Variants in ZFYVE19 observed in about 807,000 individuals in gnomAD.
ZFYVE19 encodes the protein abscission/NoCut checkpoint regulator.
ZFYVE19 carries 49 observed loss-of-function variants against 62.8 expected under a neutral mutation model. The ratio of observed to expected loss-of-function variants is 0.78; its 90% CI spans 0.62 to 0.99. The LOEUF (loss-of-function observed/expected upper bound fraction) is 0.99. Ranked by LOEUF, ZFYVE19 falls within the 50% of genes least tolerant of loss-of-function variation. The pLI, the probability that ZFYVE19 is intolerant of heterozygous loss-of-function variation, is 0.00. For missense variants in ZFYVE19, 630 were observed against 601.9 expected (o/e 1.05, Z -0.49); for synonymous variants, 242 against 234.3 (o/e 1.03, Z -0.30).
chr15:40,809,057 T>C, intron 1 of ZFYVE19, 62 bp from the exon 2 acceptor site: 2 of 1,598,924 alleles, frequency 1.3e-6, no homozygotes, highest in Non-Finnish European at 1.7e-6. Flanking sequence ...GCTTGGAGAG[T>C]CCCTGGGAGC....
Position 40,807,159 on chromosome 15 carries a change from A to G in ZFYVE19, c.-431A>G, listed in dbSNP as rs903041517. 5.5e-6 allele frequency: 7 copies of G among 1,266,188 alleles called. No homozygotes were observed. The highest frequency in any genetic ancestry group is 7.4e-6 in the Non-Finnish European group (7 of 941,164). The allele number at this position is 1,266,188 out of a possible 1,614,324, so 78.4% of individuals were successfully genotyped here. A position where few individuals can be genotyped will look rare whatever the true frequency, so the allele number is the denominator to read the frequency against. On this transcript the variant is annotated 5_prime_UTR_variant, in exon 1 of 11. Transcript: ENST00000355341. ...GGGGAGAGCACAGCCACCCGGCGCG[A>G]AGAGCCCTCTGTACCCCGCTTCCTC... is the stretch of plus-strand genomic sequence containing the variant.
chr15:40,808,370 A>C, intron 1 of ZFYVE19: 1 of 1,596,964 alleles, frequency 6.3e-7, no homozygotes, highest in Non-Finnish European at 8.5e-7. Context: ...TTCCTCTGGT[A>C]AACTGCAGGT....
At position 40,807,326 on chromosome 15, in the gene ZFYVE19, C is replaced by T; in HGVS notation, c.-264C>T. On this transcript the variant is annotated 5_prime_UTR_variant, in exon 1 of 11. Transcript: ENST00000355341. ...GCCGAGGCGCTAGGACAGGAAGGACCGCCAGACCTCTCAAGATCAGCCTTC... is the reference window on the plus strand; with the variant it reads ...GCCGAGGCGCTAGGACAGGAAGGACTGCCAGACCTCTCAAGATCAGCCTTC... The T allele has an allele frequency of 1.2e-6, 2 of 1,614,210 alleles. No homozygotes were observed. Among genetic ancestry groups the T allele is most frequent in the Non-Finnish European group, 1.7e-6 (2 of 1,180,020 alleles).
At chr15:40,808,982 G>A (rs1174177109) in intron 1 of ZFYVE19, 137 bp from the exon 2 acceptor site, 7 of 1,316,056 alleles carry the variant, frequency 5.3e-6, no homozygotes, top group Non-Finnish European at 7.4e-6. Flanking sequence ...CTAGGCCTTA[G>A]GGGCCCCACT....
At chr15:40,813,252 G>GAAC in intron 7 of ZFYVE19, 86 bp from the exon 8 acceptor site, 1 of 1,368,770 alleles carries the variant, frequency 7.3e-7, no homozygotes, top group Non-Finnish European at 1.0e-6. Context: ...AACCGAACCA[G>GAAC]TTCTGGGAGG....
chr15:40,808,915 CCTT>C (rs1285346057), intron 1 of ZFYVE19: 3 of 592,828 alleles, frequency 5.1e-6, no homozygotes, highest in Non-Finnish European at 5.9e-6. Flanking sequence ...TTTGTATAAA[CCTT>C]CATTTGGCTT....
Position 40,812,553 on chromosome 15 carries a change from AAAAAAAAG to A in ZFYVE19, c.827-142_827-135del, listed in dbSNP as rs1359959466. The A allele has an allele frequency of 2.1e-4, 140 of 670,586 alleles. 1 individual carries two copies. In the African/African-American group the frequency reaches 3.0e-3, roughly 14 times the overall value. The allele number at this position is 670,586 out of a possible 1,614,324, so 41.5% of individuals were successfully genotyped here. A position where few individuals can be genotyped will look rare whatever the true frequency, so the allele number is the denominator to read the frequency against. ...AGAGCGAGACTCCATCTCAAAAAAA[AAAAAAAAG>A]AAAGAAAGAAAGAAAGAAAGAAAGA... On this transcript the variant is annotated intron_variant, in intron 6 of 10. Transcript: ENST00000355341.
In ZFYVE19 at chr15:40,807,742, T is replaced by TGA; in HGVS notation, c.155_156dup (p.Gly53ArgfsTer57). 3 of 1,590,326 alleles carry TGA rather than the reference T, an allele frequency of 1.9e-6. No homozygotes were observed. Among genetic ancestry groups the TGA allele is most frequent in the Non-Finnish European group, 2.6e-6 (3 of 1,171,388 alleles). ...AGGGAAGGGAAGGGCGGAGCTGGGG[T>TGA]GAGGGTCCAAGGGGCCCAGGACTTG... On this transcript the variant is annotated frameshift_variant, in exon 1 of 11. Coordinates refer to ENST00000355341, the MANE Select transcript of ZFYVE19 (RefSeq NM_001077268.2). LOFTEE classifies it high-confidence loss of function.
intron 1 of ZFYVE19, chr15:40,808,713 G>T: frequency 3.3e-6 from 1 of 304,634 alleles, no homozygotes. Context: ...CTTAATAAAT[G>T]GAGGCTATTG....
At chr15:40,812,410 G>C (rs928163133) in intron 6 of ZFYVE19, among the ~76,000 whole-genome samples, 1 of 151,968 alleles carries the variant, frequency 6.6e-6, no homozygotes. Flanking sequence ...GCCGGGCATG[G>C]TGTCACGTGC....
At chr15:40,810,526 G>A in intron 5 of ZFYVE19, 123 bp from the exon 6 acceptor site, 1 of 1,473,382 alleles carries the variant, frequency 6.8e-7, no homozygotes, top group East Asian at 2.5e-5. Flanking sequence ...AGACCTACTT[G>A]ATTATGTGGG....
chr15:40,807,834 G>T lies in ZFYVE19; in HGVS notation c.245G>T (p.Gly82Val). The stretch of plus-strand genomic sequence containing the variant: ...GCCACCATGGAGAGTAGGTGCTACG[G>T]CTGCGCTGTCAAGTTCACCCTCTTC... ...LGATMESRCYGCAVKFTLFKK... is the reference protein window; with the variant it reads ...LGATMESRCYVCAVKFTLFKK... The change falls in exon 1 of 11, where the codon GGC becomes GTC. Residue 82 changes from glycine to valine, a missense_variant. Gly to Val is a moderately radical substitution (Grantham distance 109). Coordinates refer to ENST00000355341, the MANE Select transcript of ZFYVE19 (RefSeq NM_001077268.2). The T allele has an allele frequency of 6.5e-7, 1 of 1,537,162 alleles. No individual in the cohort carries two copies. Among genetic ancestry groups the T allele is most frequent in the South Asian group, 1.2e-5 (1 of 81,296 alleles).
At chr15:40,810,845 A>C in intron 6 of ZFYVE19, 88 bp downstream of exon 6, 1 of 1,487,624 alleles carries the variant, frequency 6.7e-7, no homozygotes. Context: ...TGGGAGATGA[A>C]TATAAATCGG....
intron 6 of ZFYVE19, among the ~76,000 whole-genome samples, chr15:40,811,691 C>T (rs1388317170): frequency 6.6e-6 from 1 of 152,076 alleles, no homozygotes; most frequent in Non-Finnish European, 1.5e-5. Context: ...GCCTGGGCAA[C>T]ATAGCAAGAC....
chr15:40,807,665 G>A lies in ZFYVE19; in HGVS notation c.76G>A (p.Ala26Thr), dbSNP rs1179007339. ...CTGCAGGAGAGCGTCCGGATTCCCT[G>A]CTCTAGGTCGCGGCGGGACAGTGCC... ...AGCRRASGFPALGRGGTVPVG... is the reference protein window; with the variant it reads ...AGCRRASGFPTLGRGGTVPVG... Residue 26 changes from alanine to threonine, a missense_variant, in exon 1 of 11, where the codon GCT becomes ACT. Transcript: ENST00000355341. 3 of 1,612,070 alleles carry A rather than the reference G, an allele frequency of 1.9e-6. No homozygotes were observed. The highest frequency in any genetic ancestry group is 1.7e-4 in the Middle Eastern group (1 of 5,854).
intron 6 of ZFYVE19, 100 bp downstream of exon 6, chr15:40,810,857 G>C (rs958043178): frequency 2.1e-6 from 3 of 1,442,148 alleles, no homozygotes; most frequent in Non-Finnish European, 2.8e-6. Context: ...ATAAATCGGA[G>C]AGTGATCAAC....
rs756491362 is a variant in ZFYVE19 at position 40,810,669 on chromosome 15, C to G, written c.738C>G (p.Thr246=). 9.5e-6 allele frequency: 15 copies of G among 1,573,054 alleles called. No homozygotes were observed. The highest frequency in any genetic ancestry group is 1.3e-5 in the African/African-American group (1 of 74,278). Residue 246 remains threonine, a synonymous_variant, in exon 6 of 11, where the codon ACC becomes ACG. Transcript: ENST00000355341. ...TGCAGGCACATCACACACCGGACACCAGGACCCAAGCCCAGCAGACACAGG... is the reference window on the plus strand; with the variant it reads ...TGCAGGCACATCACACACCGGACACGAGGACCCAAGCCCAGCAGACACAGG... ...TPQPAHHTPD[T]RTQAQQTQDL... is the part of the protein sequence containing the mutation.
Position 40,813,045 on chromosome 15 carries a change from G to C in ZFYVE19, c.1030+143G>C. On this transcript the variant is annotated intron_variant, in intron 7 of 10. Coordinates refer to ENST00000355341, the MANE Select transcript of ZFYVE19 (RefSeq NM_001077268.2). ...ACAAGGAAGGTGGTAGAGCAAAGCA[G>C]TGGGTGAGGAGTCAGGGGCAGCCAT... is the stretch of plus-strand genomic sequence containing the variant. 4.1e-6 allele frequency: 4 copies of C among 984,134 alleles called. No homozygotes were observed. In the South Asian group the frequency reaches 6.2e-5, roughly 15 times the overall value. The allele number at this position is 984,134 out of a possible 1,614,324, so 61.0% of individuals were successfully genotyped here.
intron 6 of ZFYVE19, 83 bp downstream of exon 6, chr15:40,810,840 G>T (rs1019832088): frequency 6.7e-7 from 1 of 1,499,480 alleles, no homozygotes; most frequent in East Asian, 2.5e-5. Flanking sequence ...CCCTCTGGGA[G>T]ATGAATATAA....
Sources: gnomAD v4.1 joint callset for allele counts (sites outside exome capture counted in the v4.1 genomes callset) on GRCh38, gnomAD v4.1.1 for gene constraint, MANE v1.5 for transcripts, NCBI Gene and HGNC (gene_info 2026-07-23, HGNC 2026-07-21) for gene names.